NFIB: variants seen among roughly 807,000 people sequenced by gnomAD.
NFIB encodes nuclear factor 1 B-type.
NFIB carries 11 observed loss-of-function variants against 61.5 expected under a neutral mutation model. The ratio of observed to expected loss-of-function variants is 0.18; its 90% CI spans 0.11 to 0.30. The LOEUF (loss-of-function observed/expected upper bound fraction) is 0.30. Among genes scored for constraint, NFIB ranks in the 10% least tolerant of loss-of-function variants. The probability of loss-of-function intolerance (pLI) is 1.00; values close to 1 mark genes in which losing one functional copy is unlikely to be tolerated. For synonymous variants in NFIB, 260 were observed against 216.5 expected, an observed-to-expected ratio of 1.20 and a Z score of -1.76; for missense variants, 471 against 608.9, an observed-to-expected ratio of 0.77 and a Z score of 2.38.
chr9:14,419,699 T>C, the NFIB span, among the ~76,000 whole-genome samples: 1 of 152,156 alleles, frequency 6.6e-6, no homozygotes. Flanking sequence ...GCTTTTCTTT[T>C]GCTTTCTTTT....
chr9:14,182,221 C>G (rs1283174805), intron 2 of NFIB, among the ~76,000 whole-genome samples: 1 of 152,144 alleles, frequency 6.6e-6, no homozygotes, highest in African/African-American at 2.4e-5. Context: ...CTGAAGTAGA[C>G]CCTAAATTTG....
At chr9:14,450,741 T>C in the NFIB span, among the ~76,000 whole-genome samples, 264 of 125,600 alleles carry the variant, frequency 2.1e-3, no homozygotes, top group African/African-American at 6.5e-3. Flanking sequence ...TTCTTTTCTT[T>C]TATAAGTGGC....
chr9:14,427,428 G>A, the NFIB span, among the ~76,000 whole-genome samples: 1 of 152,156 alleles, frequency 6.6e-6, no homozygotes, highest in East Asian at 1.9e-4. Flanking sequence ...AGGATAAACT[G>A]AGGTACAGAG....
chr9:14,438,133 G>A, the NFIB span, among the ~76,000 whole-genome samples: 10 of 152,160 alleles, frequency 6.6e-5, no homozygotes, highest in Non-Finnish European at 1.3e-4. Flanking sequence ...GGGAGGGAAG[G>A]AGAGAAAGGC....
chr9:14,281,969 T>C (rs2058403017), intron 2 of NFIB, among the ~76,000 whole-genome samples: 1 of 152,178 alleles, frequency 6.6e-6, no homozygotes, highest in Non-Finnish European at 1.5e-5. Context: ...TTAAAAAATC[T>C]TATTATATTT....
upstream of NFIB, chr9:14,317,121 C>G (rs1457966092): frequency 6.6e-6 from 1 of 152,196 alleles, no homozygotes; most frequent in African/African-American, 2.4e-5. Flanking sequence ...AAAAGAGGCC[C>G]AGGGCTGAGC....
intron 2 of NFIB, among the ~76,000 whole-genome samples, chr9:14,258,962 T>G (rs910712669): frequency 6.6e-6 from 1 of 152,160 alleles, no homozygotes; most frequent in Non-Finnish European, 1.5e-5. Context: ...CCCATACCAG[T>G]GCTCCTCAAA....
chr9:14,437,893 C>A, the NFIB span, among the ~76,000 whole-genome samples: 2 of 152,330 alleles, frequency 1.3e-5, no homozygotes, highest in East Asian at 3.9e-4. Context: ...GGCCCAGTGC[C>A]CAGTTTTCAG....
At chr9:14,257,077 C>CT (rs1435959712) in intron 2 of NFIB, among the ~76,000 whole-genome samples, 20 of 152,180 alleles carry the variant, frequency 1.3e-4, no homozygotes, top group African/African-American at 4.8e-4. Context: ...GTTTAGCACC[C>CT]AAGGCTTTAA....
chr9:14,246,920 A>C (rs2054997093), intron 2 of NFIB, among the ~76,000 whole-genome samples: 1 of 152,190 alleles, frequency 6.6e-6, no homozygotes, highest in South Asian at 2.1e-4. Context: ...AGGCCTGTTA[A>C]AACGGGTTTA....
chr9:14,195,176 C>A lies in NFIB; in HGVS notation c.563-15396G>T, dbSNP rs367578623. On this transcript the variant is annotated intron_variant, in intron 2 of 10. Transcript: ENST00000380953. ...ACTGGCAAAAGAAGTTAAAAAAAAA[C>A]AAAAAACAAAAAACTTTTGGTAGAA... Among the ~76,000 whole-genome samples the A allele has an allele frequency of 4.5e-3, 672 of 148,404 alleles. 4 individuals are homozygous for A. Among genetic ancestry groups the A allele is most frequent in the African/African-American group, 0.011 (418 of 38,226 alleles).
chr9:14,114,384 A>G lies in NFIB; in HGVS notation c.1385-1303T>C, dbSNP rs556147140. 2.6e-5 allele frequency among the ~76,000 whole-genome samples: 4 copies of G among 152,242 alleles called. 1 individual carries two copies. In the South Asian group the frequency reaches 8.3e-4, roughly 32 times the overall value. Reference sequence around the variant, plus strand: ...AAATCTATGCTGCTTTTTCTTTTCAACTATGAGAAAGAGCCTTCCTTGGCT... The same window carrying G: ...AAATCTATGCTGCTTTTTCTTTTCAGCTATGAGAAAGAGCCTTCCTTGGCT... On this transcript the variant is annotated intron_variant, in intron 9 of 10. Transcript: ENST00000380953.
At chr9:14,366,843 T>G (rs1419151683) in intron 1 of NFIB, among the ~76,000 whole-genome samples, 1 of 152,194 alleles carries the variant, frequency 6.6e-6, no homozygotes, top group Non-Finnish European at 1.5e-5. Flanking sequence ...CTAGGACAAG[T>G]GGCTTGGCCT....
At position 14,179,613 on chromosome 9, in the gene NFIB, C is replaced by T. The variant is rs916196190; in HGVS notation, c.616+114G>A. 9.9e-6 allele frequency: 11 copies of T among 1,116,240 alleles called. No homozygotes were observed. In the Admixed American group the frequency reaches 1.4e-4, roughly 14 times the overall value. The allele number at this position is 1,116,240 out of a possible 1,614,324, so 69.1% of individuals were successfully genotyped here. On this transcript the variant is annotated intron_variant, in intron 3 of 10. Coordinates refer to ENST00000380953, the MANE Select transcript of NFIB (RefSeq NM_001190737.2). The stretch of plus-strand genomic sequence containing the variant: ...ACAATCACATCTTGTCCCGATCATA[C>T]CTGCCTGCCAGAACAAAATAGGCAG...
At chr9:14,223,923 T>A (rs1390262680) in intron 2 of NFIB, among the ~76,000 whole-genome samples, 1 of 152,172 alleles carries the variant, frequency 6.6e-6, no homozygotes, top group African/African-American at 2.4e-5. Context: ...CACTACACTC[T>A]AGTTGGCCAA....
intron 2 of NFIB, among the ~76,000 whole-genome samples, chr9:14,222,174 C>T (rs2051756194): frequency 6.6e-6 from 1 of 152,202 alleles, no homozygotes; most frequent in South Asian, 2.1e-4. Flanking sequence ...ACACTTTCTA[C>T]ATCCCACTAA....
chr9:14,198,355 T>A (rs185844179), intron 2 of NFIB, among the ~76,000 whole-genome samples: 1 of 152,320 alleles, frequency 6.6e-6, no homozygotes, highest in East Asian at 1.9e-4. Context: ...ATTTAGAGTT[T>A]AAACCTGGAA....
chr9:14,273,957 T>TC (rs987174268), intron 2 of NFIB, among the ~76,000 whole-genome samples: 1 of 152,150 alleles, frequency 6.6e-6, no homozygotes, highest in African/African-American at 2.4e-5. Flanking sequence ...AGTCTTTTTT[T>TC]CACCTCTGAT....
chr9:14,107,015 T>A (rs2118931024), intron 10 of NFIB, among the ~76,000 whole-genome samples: 1 of 152,110 alleles, frequency 6.6e-6, no homozygotes, highest in African/African-American at 2.4e-5. Context: ...CAGGAGAACA[T>A]CTTGAAAGGT....
Sources: allele counts gnomAD v4.1 joint callset (sites outside exome capture counted in the v4.1 genomes callset), GRCh38; gene constraint gnomAD v4.1.1; transcripts MANE v1.5; gene names NCBI Gene and HGNC (gene_info 2026-07-23, HGNC 2026-07-21).